Variants in MYT1L observed in about 807,000 individuals in gnomAD.
MYT1L encodes myelin transcription factor 1 like.
Under a neutral mutation model 126.7 loss-of-function variants are expected in MYT1L, and 12 were observed. The ratio of observed to expected loss-of-function variants is 0.09; its 90% confidence interval spans 0.06 to 0.15. The LOEUF is 0.15. MYT1L is among the 10% of genes least tolerant of loss of function. MYT1L has a pLI of 1.00. For synonymous variants in MYT1L, 541 were observed against 604.2 expected (o/e 0.90, Z 1.53); for missense variants, 979 against 1,585.2 (o/e 0.62, Z 6.49).
chr2:2,161,929 AC>A (rs2088016284), intron 3 of MYT1L, among the ~76,000 whole-genome samples: 1 of 152,176 alleles, frequency 6.6e-6, no homozygotes, highest in Non-Finnish European at 1.5e-5. Flanking sequence ...TGGTCCGAGA[AC>A]CGTTCTTTGA....
chr2:2,211,124 A>T (rs2093489773), intron 2 of MYT1L, among the ~76,000 whole-genome samples: 1 of 152,174 alleles, frequency 6.6e-6, no homozygotes, highest in Non-Finnish European at 1.5e-5. Context: ...TTTTTTGGTG[A>T]AGTCTTTAGA....
At chr2:1,905,663 A>G (rs1244377928) in intron 13 of MYT1L, among the ~76,000 whole-genome samples, 1 of 152,194 alleles carries the variant, frequency 6.6e-6, no homozygotes, top group Non-Finnish European at 1.5e-5. Context: ...GGAAGACAGT[A>G]ATTTTTGAGT....
chr2:2,075,857 T>C (rs1196895369), intron 3 of MYT1L, among the ~76,000 whole-genome samples: 1 of 152,222 alleles, frequency 6.6e-6, no homozygotes, highest in East Asian at 1.9e-4. Context: ...TAACGATGAG[T>C]GTGACTTTTT....
intron 4 of MYT1L, among the ~76,000 whole-genome samples, chr2:2,014,182 T>C (rs1367537064): frequency 2.0e-5 from 3 of 151,164 alleles, no homozygotes; most frequent in Admixed American, 6.6e-5. Flanking sequence ...TGCAGTGGGA[T>C]ATGCAGGAAT....
intron 3 of MYT1L, among the ~76,000 whole-genome samples, chr2:2,091,825 C>G (rs1026391156): frequency 2.0e-5 from 3 of 152,232 alleles, no homozygotes; most frequent in Admixed American, 2.0e-4. Context: ...GAGATGACTT[C>G]TTTCCTTGAA....
At chr2:2,177,338 G>C (rs2090923244) in intron 2 of MYT1L, among the ~76,000 whole-genome samples, 1 of 152,150 alleles carries the variant, frequency 6.6e-6, no homozygotes. Flanking sequence ...AAACTCTTCA[G>C]TGATAGAATG....
intron 9 of MYT1L, among the ~76,000 whole-genome samples, chr2:1,923,610 A>G (rs1324471405): frequency 6.6e-6 from 1 of 152,270 alleles, no homozygotes; most frequent in African/African-American, 2.4e-5. Flanking sequence ...TGCTTTATCT[A>G]TAGCCTCGCC....
In MYT1L at chr2:1,910,484, T is replaced by C. The variant is rs2051803160; in HGVS notation, c.1710-137A>G. On this transcript the variant is annotated intron_variant, in intron 12 of 24. Transcript: ENST00000647738. The surrounding 1 kb of genome is among the most constrained non-coding windows in gnomAD (Gnocchi z 4.8). The stretch of plus-strand genomic sequence containing the variant: ...AGTTTCCCAAACCTGGCACAGGCAG[T>C]CCTGATGGGTGGACTGGGAGAGGGG... The C allele has an allele frequency of 4.3e-6, 3 of 699,616 alleles. No individual in the cohort carries two copies. The highest frequency in any genetic ancestry group is 7.4e-6 in the Non-Finnish European group (3 of 402,882). 43.3% of individuals were successfully genotyped at this position (699,616 alleles called of 1,614,324 possible).
At chr2:2,077,064 G>C (rs2075305037) in intron 3 of MYT1L, among the ~76,000 whole-genome samples, 1 of 151,924 alleles carries the variant, frequency 6.6e-6, no homozygotes. Flanking sequence ...GAAATAAAAA[G>C]TACATTAGAG....
chr2:2,287,082 C>T, intron 1 of MYT1L, among the ~76,000 whole-genome samples: 1 of 152,050 alleles, frequency 6.6e-6, no homozygotes, highest in East Asian at 1.9e-4. Flanking sequence ...CATGGAGAAA[C>T]CCGGTCTCTA....
At chr2:1,957,790 C>G (rs2058621777) in intron 8 of MYT1L, among the ~76,000 whole-genome samples, 1 of 152,196 alleles carries the variant, frequency 6.6e-6, no homozygotes, top group African/African-American at 2.4e-5. Flanking sequence ...CCTCAGAAGC[C>G]TCCCAGTCTC....
Position 1,806,343 on chromosome 2 carries a change from A to G in MYT1L, c.3172+2733T>C, listed in dbSNP as rs1265294277. 6.6e-6 allele frequency among the ~76,000 whole-genome samples: 1 copy of G among 152,210 alleles called. No homozygotes were observed. The highest frequency in any genetic ancestry group is 1.9e-4 in the East Asian group (1 of 5,184). ...TGCATTAGGATCTGCAGCAAGGGGAACTGTTTGTCCTAAAACTTAGCACAA... is the reference window on the plus strand; with the variant it reads ...TGCATTAGGATCTGCAGCAAGGGGAGCTGTTTGTCCTAAAACTTAGCACAA... On this transcript the variant is annotated intron_variant, in intron 22 of 24. Transcript: ENST00000647738. The surrounding 1 kb of genome is among the most constrained non-coding windows in gnomAD (Gnocchi z 4.9).
chr2:2,142,888 T>C (rs538096710), intron 3 of MYT1L, among the ~76,000 whole-genome samples: 5 of 151,904 alleles, frequency 3.3e-5, no homozygotes, highest in Admixed American at 3.3e-4. Context: ...GATCTTGCCA[T>C]GTTGGCCAGG....
intron 2 of MYT1L, among the ~76,000 whole-genome samples, chr2:2,272,316 T>C (rs1348045276): frequency 6.6e-6 from 1 of 152,196 alleles, no homozygotes; most frequent in Non-Finnish European, 1.5e-5. Context: ...CCATGTTCTC[T>C]GGGCCTCTAG....
chr2:1,981,199 T>C (rs1044193780), intron 5 of MYT1L, among the ~76,000 whole-genome samples: 1 of 152,216 alleles, frequency 6.6e-6, no homozygotes, highest in Non-Finnish European at 1.5e-5. Flanking sequence ...TATTGATGAA[T>C]ACTATGGATG....
intron 2 of MYT1L, among the ~76,000 whole-genome samples, chr2:2,205,496 A>G (rs2093277076): frequency 6.6e-6 from 1 of 152,210 alleles, no homozygotes; most frequent in Non-Finnish European, 1.5e-5. Flanking sequence ...TGAATTATAA[A>G]TGTAATAATG....
chr2:2,327,547 G>A (rs2096257567), intron 1 of MYT1L, among the ~76,000 whole-genome samples: 1 of 152,136 alleles, frequency 6.6e-6, no homozygotes, highest in South Asian at 2.1e-4. Flanking sequence ...CTCAAATTAC[G>A]CTATGGAGTA....
At chr2:2,129,884 C>T (rs1298267416) in intron 3 of MYT1L, among the ~76,000 whole-genome samples, 9 of 143,972 alleles carry the variant, frequency 6.3e-5, no homozygotes, top group East Asian at 4.1e-4. Flanking sequence ...CCTGCCTGGG[C>T]GACAGAGCGA....
At chr2:1,834,369 G>A (rs1052495690) in intron 21 of MYT1L, among the ~76,000 whole-genome samples, 27 of 152,332 alleles carry the variant, frequency 1.8e-4, no homozygotes, top group African/African-American at 5.5e-4. Context: ...ATTTCTGTGC[G>A]CTTAGCTGTG....
Sources: gnomAD v4.1 joint callset for allele counts (sites outside exome capture counted in the v4.1 genomes callset) on GRCh38, gnomAD v4.1.1 for gene constraint, Gnocchi (gnomAD v3.1) non-coding constraint, MANE v1.5 for transcripts, NCBI Gene and HGNC (gene_info 2026-07-23, HGNC 2026-07-21) for gene names.